Variants in MGAT4C observed in about 807,000 individuals in gnomAD.
MGAT4C encodes the protein alpha-1,3-mannosyl-glycoprotein 4-beta-N-acetylglucosaminyltransferase C.
Under a neutral mutation model 40.1 loss-of-function variants are expected in MGAT4C, and 19 were observed. The observed-to-expected ratio is 0.47, with a 90% CI of 0.33 to 0.70. The LOEUF is 0.70. Among genes scored for constraint, MGAT4C ranks in the 30% least tolerant of loss-of-function variants. The pLI is 0.02. For missense variants in MGAT4C, 491 were observed against 563.2 expected (o/e 0.87, Z 1.30); for synonymous variants, 181 against 187.1 (o/e 0.97, Z 0.27).
intron 2 of MGAT4C, among the ~76,000 whole-genome samples, chr12:86,613,416 AAAGT>A (rs1218603707): frequency 6.6e-6 from 1 of 152,190 alleles, no homozygotes; most frequent in Non-Finnish European, 1.5e-5. Flanking sequence ...TCAATCCGAC[AAAGT>A]AAGTATTGGG....
intron 2 of MGAT4C, among the ~76,000 whole-genome samples, chr12:86,024,525 T>C (rs529410187): frequency 3.3e-5 from 5 of 151,990 alleles, no homozygotes; most frequent in African/African-American, 9.6e-5. Context: ...ATAGAAGATA[T>C]AATTTTCATT....
At chr12:86,352,404 T>C (rs932723167) in intron 3 of MGAT4C, among the ~76,000 whole-genome samples, 19 of 152,084 alleles carry the variant, frequency 1.2e-4, no homozygotes, top group Non-Finnish European at 1.5e-5. Flanking sequence ...TAATTCTCCT[T>C]CCCATCATCA....
At chr12:86,693,421 G>A (rs1039620926) in intron 2 of MGAT4C, among the ~76,000 whole-genome samples, 2 of 152,096 alleles carry the variant, frequency 1.3e-5, no homozygotes, top group Non-Finnish European at 2.9e-5. Flanking sequence ...GCCAAACTAT[G>A]AAGTGTATTG....
chr12:85,961,929 C>G lies in MGAT4C; in HGVS notation c.*17360G>C, dbSNP rs1405026394. The G allele has an allele frequency of 6.6e-6, 1 of 151,790 alleles. No individual in the cohort carries two copies. The highest frequency in any genetic ancestry group is 1.9e-4 in the East Asian group (1 of 5,194). 9.4% of individuals were successfully genotyped at this position (151,790 alleles called of 1,614,324 possible). A position where few individuals can be genotyped will look rare whatever the true frequency, so the allele number is the denominator to read the frequency against. On this transcript the variant is annotated 3_prime_UTR_variant, in exon 5 of 5. Coordinates refer to ENST00000611864, the MANE Select transcript of MGAT4C (RefSeq NM_001351288.2). ...AATTACCCATTGTCAAAAATCATTG[C>G]CCATCAAAGCAGTGAGACTGTGTGC...
intron 2 of MGAT4C, among the ~76,000 whole-genome samples, chr12:86,682,989 T>A (rs193056947): frequency 5.8e-4 from 88 of 152,290 alleles, no homozygotes; most frequent in African/African-American, 1.9e-3. Flanking sequence ...TGAAACTTTA[T>A]AAAGTGACAG....
At chr12:86,833,227 T>C (rs1488070556) in intron 1 of MGAT4C, among the ~76,000 whole-genome samples, 1 of 151,870 alleles carries the variant, frequency 6.6e-6, no homozygotes, top group African/African-American at 2.4e-5. Flanking sequence ...GAGGATAAAT[T>C]ATGTTCCTTG....
intron 2 of MGAT4C, among the ~76,000 whole-genome samples, chr12:86,521,284 G>A (rs1328626353): frequency 6.6e-6 from 1 of 151,812 alleles, no homozygotes; most frequent in African/African-American, 2.4e-5. Context: ...AATCTTCCTC[G>A]TTTTGCTAAC....
intron 2 of MGAT4C, among the ~76,000 whole-genome samples, chr12:86,712,504 T>G (rs1215819705): frequency 6.6e-6 from 1 of 151,952 alleles, no homozygotes; most frequent in Non-Finnish European, 1.5e-5. Context: ...GAGCAATGAG[T>G]CATTTAGGGG....
intron 2 of MGAT4C, among the ~76,000 whole-genome samples, chr12:86,045,390 T>C (rs1280392350): frequency 6.6e-6 from 1 of 152,196 alleles, no homozygotes; most frequent in Non-Finnish European, 1.5e-5. Context: ...CTGAACCATG[T>C]CACTCATATG....
At chr12:86,426,674 G>A (rs374490402) in intron 3 of MGAT4C, among the ~76,000 whole-genome samples, 17 of 152,144 alleles carry the variant, frequency 1.1e-4, no homozygotes, top group East Asian at 7.8e-4. Context: ...AGGGCCGGGC[G>A]TGGTGGCTCA....
At chr12:86,399,139 T>G (rs1297240004) in intron 3 of MGAT4C, among the ~76,000 whole-genome samples, 1 of 150,588 alleles carries the variant, frequency 6.6e-6, no homozygotes, top group Non-Finnish European at 1.5e-5. Flanking sequence ...CCCGGCTAAT[T>G]TTTTGTATTT....
chr12:85,976,188 A>G lies in MGAT4C; in HGVS notation c.*3101T>C, dbSNP rs1410387366. The G allele has an allele frequency of 6.6e-6, 1 of 151,122 alleles. No homozygotes were observed. Among genetic ancestry groups the G allele is most frequent in the Non-Finnish European group, 1.5e-5 (1 of 67,242 alleles). The allele number at this position is 151,122 out of a possible 1,614,324, so 9.4% of individuals were successfully genotyped here. ...TGGCCCAGTAAGAAATGGAATGTTC[A>G]CAACTCATAGTGTAGCTATATGAAA... On this transcript the variant is annotated 3_prime_UTR_variant, in exon 5 of 5. Transcript: ENST00000611864.
intron 2 of MGAT4C, among the ~76,000 whole-genome samples, chr12:86,510,311 G>A (rs1181162089): frequency 2.0e-5 from 3 of 151,996 alleles, no homozygotes; most frequent in African/African-American, 7.3e-5. Context: ...GTCACCAACA[G>A]GCCTGCTCTA....
intron 2 of MGAT4C, among the ~76,000 whole-genome samples, chr12:86,608,333 C>A (rs1962117097): frequency 6.6e-6 from 1 of 152,016 alleles, no homozygotes; most frequent in African/African-American, 2.4e-5. Context: ...AATCCCAGCA[C>A]TTTGGGAGGC....
intron 1 of MGAT4C, among the ~76,000 whole-genome samples, chr12:86,130,002 C>T (rs1406558808): frequency 6.6e-6 from 1 of 152,134 alleles, no homozygotes; most frequent in African/African-American, 2.4e-5. Flanking sequence ...AGCATTAACT[C>T]TGAGGAGTGA....
intron 1 of MGAT4C, among the ~76,000 whole-genome samples, chr12:86,747,561 A>G (rs1233185342): frequency 6.6e-6 from 1 of 151,688 alleles, no homozygotes; most frequent in Non-Finnish European, 1.5e-5. Flanking sequence ...ATACAATAGC[A>G]TATGGACAGC....
chr12:86,096,041 T>C (rs980936709), intron 1 of MGAT4C, among the ~76,000 whole-genome samples: 3 of 151,886 alleles, frequency 2.0e-5, no homozygotes, highest in Admixed American at 6.6e-5. Flanking sequence ...CAACTTTGGC[T>C]AGTTACAAAA....
At chr12:86,376,076 T>G (rs1955816034) in intron 3 of MGAT4C, among the ~76,000 whole-genome samples, 1 of 152,072 alleles carries the variant, frequency 6.6e-6, no homozygotes, top group African/African-American at 2.4e-5. Flanking sequence ...CACTCAAATT[T>G]GCAAATGGAT....
intron 3 of MGAT4C, among the ~76,000 whole-genome samples, chr12:86,369,208 T>G (rs1011489335): frequency 2.0e-5 from 3 of 151,992 alleles, no homozygotes; most frequent in Non-Finnish European, 4.4e-5. Flanking sequence ...GCATGGAATA[T>G]CCTTTTCCAT....
Sources: gnomAD v4.1 joint callset for allele counts (sites outside exome capture counted in the v4.1 genomes callset) on GRCh38, gnomAD v4.1.1 for gene constraint, MANE v1.5 for transcripts, NCBI Gene and HGNC (gene_info 2026-07-23, HGNC 2026-07-21) for gene names.